BST1: variants seen among roughly 807,000 people sequenced by gnomAD.
The protein encoded by BST1 is bone marrow stromal cell antigen 1.
BST1 carries 49 observed loss-of-function variants against 40.6 expected under a neutral mutation model. The observed-to-expected ratio is 1.21, with a 90% confidence interval of 0.96 to 1.53. The LOEUF (loss-of-function observed/expected upper bound fraction) is 1.53, where lower values mean the gene tolerates loss of function less well. BST1 is among the 40% of genes most tolerant of loss of function. The probability of loss-of-function intolerance (pLI) is 0.00; values close to 1 mark genes in which losing one functional copy is unlikely to be tolerated. For synonymous variants in BST1, 157 were observed against 159.3 expected (o/e 0.99, Z 0.11); for missense variants, 423 against 395.9 (o/e 1.07, Z -0.58).
At chr4:15,709,859 CAT>C (rs1325951451) in intron 3 of BST1, among the ~76,000 whole-genome samples, 2 of 152,062 alleles carry the variant, frequency 1.3e-5, no homozygotes, top group African/African-American at 4.8e-5. Context: ...AATAAAAACA[CAT>C]ATACACAATA....
In BST1 at chr4:15,711,795, C is replaced by G; in HGVS notation, c.452-12C>G. The G allele has an allele frequency of 6.2e-7, 1 of 1,600,874 alleles. No homozygotes were observed. The highest frequency in any genetic ancestry group is 1.1e-5 in the South Asian group (1 of 90,720). ...CTTTGGAATAAAATGTGTTTGTCTA[C>G]TTACCCCTTAGGACTCGATTACCAA... On this transcript the variant is annotated splice_polypyrimidine_tract_variant and intron_variant, in intron 3 of 8. Transcript: ENST00000265016.
chr4:15,755,888 A>G, the BST1 span, among the ~76,000 whole-genome samples: 86 of 152,336 alleles, frequency 5.6e-4, no homozygotes, highest in African/African-American at 2.0e-3. Context: ...TTATATTCCA[A>G]TAGTCCAAAG....
rs567575083 is a variant in BST1 at position 15,705,586 on chromosome 4, C to A, written c.260C>A (p.Pro87His). 43 of 1,613,802 alleles carry A rather than the reference C, an allele frequency of 2.7e-5. No homozygotes were observed. Among genetic ancestry groups the A allele is most frequent in the Admixed American group, 3.3e-5 (2 of 59,990 alleles). The change falls in exon 2 of 9, where the codon CCC (proline) becomes CAC (histidine). Residue 87 changes from proline (P) to histidine (H), a missense_variant. Physicochemically the swap from Pro to His is moderately conservative, Grantham distance 77 (BLOSUM62 -2). Transcript: ENST00000265016. ...GACAAGGATCCCTGCTCCGTGCTGC[C>A]CTCAGACTATGACCTTTTTATTAAC... ...ALDKDPCSVLPSDYDLFINLS... is the reference protein window; with the variant it reads ...ALDKDPCSVLHSDYDLFINLS...
chr4:15,705,144 C>T (rs766017351), intron 1 of BST1, among the ~76,000 whole-genome samples: 10 of 152,016 alleles, frequency 6.6e-5, no homozygotes, highest in Non-Finnish European at 1.5e-4. Context: ...ACCTGGTCCC[C>T]GAGCTCCACA....
the BST1 span, among the ~76,000 whole-genome samples, chr4:15,749,775 C>T: frequency 6.6e-6 from 1 of 152,096 alleles, no homozygotes; most frequent in African/African-American, 2.4e-5. Context: ...GAAATAAGCA[C>T]ATCATGAAAA....
At chr4:15,730,451 C>T (rs1372408494) in intron 8 of BST1, among the ~76,000 whole-genome samples, 1 of 152,172 alleles carries the variant, frequency 6.6e-6, no homozygotes, top group African/African-American at 2.4e-5. Context: ...CAGTAGGAAA[C>T]CTGGCTAACA....
downstream of BST1, chr4:15,736,272 A>C (rs1032307132): frequency 4.7e-6 from 2 of 424,076 alleles, no homozygotes; most frequent in Non-Finnish European, 7.7e-6. Flanking sequence ...CCTCTTGCTC[A>C]AAATCAGCAA....
At chr4:15,731,538 C>T in intron 8 of BST1, 1 of 1,033,808 alleles carries the variant, frequency 9.7e-7, no homozygotes, top group Non-Finnish European at 1.5e-6. Context: ...ACTCCACCAT[C>T]TCCAGAAACT....
At chr4:15,774,151 C>T in the BST1 span, among the ~76,000 whole-genome samples, 3 of 152,132 alleles carry the variant, frequency 2.0e-5, no homozygotes, top group African/African-American at 7.2e-5. Flanking sequence ...CACGTGCAGA[C>T]AGAGTGAGAA....
At chr4:15,754,220 T>C in the BST1 span, among the ~76,000 whole-genome samples, 2 of 152,002 alleles carry the variant, frequency 1.3e-5, no homozygotes, top group African/African-American at 4.8e-5. Flanking sequence ...CCCCCGGAAA[T>C]ATTGAGAGGG....
At chr4:15,730,330 G>A (rs1260854248) in intron 8 of BST1, among the ~76,000 whole-genome samples, 1 of 152,224 alleles carries the variant, frequency 6.6e-6, no homozygotes, top group African/African-American at 2.4e-5. Flanking sequence ...CCAGTGGCCA[G>A]ATACTGTTTA....
At chr4:15,743,039 TC>T (rs1721782065), downstream of BST1, among the ~76,000 whole-genome samples, 1 of 152,244 alleles carries the variant, frequency 6.6e-6, no homozygotes, top group Admixed American at 6.5e-5. Flanking sequence ...AATTAATTTT[TC>T]CTTATACTTT....
chr4:15,768,686 TG>T, the BST1 span, among the ~76,000 whole-genome samples: 1 of 151,356 alleles, frequency 6.6e-6, no homozygotes, highest in Non-Finnish European at 1.5e-5. Flanking sequence ...TTAGTAGAGA[TG>T]GGGTTTCACC....
intron 1 of BST1, 80 bp from the exon 2 acceptor site, chr4:15,705,435 G>T: frequency 2.1e-6 from 3 of 1,456,022 alleles, no homozygotes; most frequent in Non-Finnish European, 2.8e-6. Flanking sequence ...CTCTTGTAAA[G>T]CTCTTAGACA....
the BST1 span, among the ~76,000 whole-genome samples, chr4:15,768,480 CTTTTTTTTTTTTTT>C: frequency 5.5e-5 from 5 of 91,088 alleles, no homozygotes; most frequent in Non-Finnish European, 1.0e-4. Context: ...TGGACAGTAT[CTTTTTTTTTTTTTT>C]TTTTTTTTTT....
At chr4:15,747,492 G>A in the BST1 span, among the ~76,000 whole-genome samples, 94 of 152,116 alleles carry the variant, frequency 6.2e-4, no homozygotes, top group African/African-American at 2.1e-3. Context: ...GAGTTTTTCC[G>A]TGAAGCCAGT....
At chr4:15,755,881 T>C in the BST1 span, among the ~76,000 whole-genome samples, 1 of 152,234 alleles carries the variant, frequency 6.6e-6, no homozygotes, top group African/African-American at 2.4e-5. Flanking sequence ...TTCCAGCTTA[T>C]ATTCCAATAG....
At chr4:15,754,234 C>A in the BST1 span, among the ~76,000 whole-genome samples, 239 of 152,232 alleles carry the variant, frequency 1.6e-3, no homozygotes, top group African/African-American at 5.6e-3. Context: ...GAGAGGGAGG[C>A]TCTTTGAAAG....
the BST1 span, among the ~76,000 whole-genome samples, chr4:15,757,903 A>T: frequency 6.6e-6 from 1 of 152,040 alleles, no homozygotes; most frequent in Non-Finnish European, 1.5e-5. Flanking sequence ...CGGCCTCCCA[A>T]AGTGCTGGGA....
Sources: gnomAD v4.1 joint callset for allele counts (sites outside exome capture counted in the v4.1 genomes callset) on GRCh38, gnomAD v4.1.1 for gene constraint, MANE v1.5 for transcripts, NCBI Gene and HGNC (gene_info 2026-07-23, HGNC 2026-07-21) for gene names.